The following DLGAP5 variants were observed in gnomAD, a reference collection of about 807,000 sequenced individuals.
The protein encoded by DLGAP5 is DLG associated protein 5.
A neutral mutation model predicts 99.6 loss-of-function variants in DLGAP5; 90 were observed. The ratio of observed to expected loss-of-function variants is 0.90; its 90% CI spans 0.76 to 1.08. The LOEUF (loss-of-function observed/expected upper bound fraction) is 1.08. Among genes scored for constraint, DLGAP5 ranks in the 50% least tolerant of loss-of-function variants. The pLI is 0.00. For synonymous variants in DLGAP5, 311 were observed against 321.3 expected, an observed-to-expected ratio of 0.97 and a Z score of 0.34; for missense variants, 1,036 against 983.5, an observed-to-expected ratio of 1.05 and a Z score of -0.71.
chr14:55,164,644 G>T (rs1040790426), intron 12 of DLGAP5, among the ~76,000 whole-genome samples: 2 of 151,884 alleles, frequency 1.3e-5, no homozygotes, highest in African/African-American at 4.8e-5. Flanking sequence ...AAAAATGGCC[G>T]GGTGCAGTGG....
intron 9 of DLGAP5, 141 bp downstream of exon 9, chr14:55,175,753 T>G: frequency 4.1e-6 from 3 of 726,586 alleles, no homozygotes; most frequent in Non-Finnish European, 6.3e-6. Context: ...CATCCCCAAA[T>G]GATATGGTGA....
chr14:55,172,939 G>A (rs1399135084), intron 10 of DLGAP5, among the ~76,000 whole-genome samples: 2 of 129,422 alleles, frequency 1.5e-5, no homozygotes, highest in Non-Finnish European at 3.1e-5. Flanking sequence ...CCAAGATCGC[G>A]CCATTGCACT....
At chr14:55,181,446 A>G (rs1177071914) in intron 4 of DLGAP5, 149 bp from the exon 5 acceptor site, 1 of 619,402 alleles carries the variant, frequency 1.6e-6, no homozygotes, top group African/African-American at 1.9e-5. Context: ...ATAAAATGAG[A>G]TAAAGAAAAG....
At chr14:55,162,353 C>T (rs1000180046) in intron 13 of DLGAP5, among the ~76,000 whole-genome samples, 5 of 152,170 alleles carry the variant, frequency 3.3e-5, no homozygotes, top group Non-Finnish European at 7.3e-5. Flanking sequence ...GGCACGGTGG[C>T]TCATGCCTGT....
At chr14:55,191,379 C>G (rs1883613917) in intron 1 of DLGAP5, 84 bp downstream of exon 1, 1 of 152,882 alleles carries the variant, frequency 6.5e-6, no homozygotes, top group African/African-American at 2.4e-5. Flanking sequence ...TGCTCCCGCT[C>G]GCAGCCCCCG....
chr14:55,188,561 TATA>T (rs1408494186), intron 2 of DLGAP5, among the ~76,000 whole-genome samples: 1 of 152,134 alleles, frequency 6.6e-6, no homozygotes, highest in East Asian at 1.9e-4. Context: ...AATAAAGTGT[TATA>T]ATACTCCACA....
intron 5 of DLGAP5, 92 bp from the exon 6 acceptor site, chr14:55,180,870 C>T: frequency 6.6e-7 from 1 of 1,507,672 alleles, no homozygotes; most frequent in Non-Finnish European, 9.1e-7. Flanking sequence ...TGCCTGTAGT[C>T]CCAGCTACTT....
chr14:55,180,887 C>T, intron 5 of DLGAP5, 109 bp from the exon 6 acceptor site: 1 of 1,396,656 alleles, frequency 7.2e-7, no homozygotes, highest in Non-Finnish European at 9.9e-7. Context: ...ACTTGGGAGG[C>T]AGGAGGATTA....
intron 11 of DLGAP5, among the ~76,000 whole-genome samples, chr14:55,170,491 C>A (rs1882818738): frequency 6.6e-6 from 1 of 152,050 alleles, no homozygotes; most frequent in Non-Finnish European, 1.5e-5. Context: ...AAGTTATATA[C>A]CATTTTAGCA....
rs1413872566 is a variant in DLGAP5 at position 55,170,690 on chromosome 14, A to G, written c.1387+12T>C. Reference sequence around the variant, plus strand: ...GAAACAAAGCAAACAAAAAATACAAATGTTGCCTCACCATCATCTGGAATG... The same window carrying G: ...GAAACAAAGCAAACAAAAAATACAAGTGTTGCCTCACCATCATCTGGAATG... On this transcript the variant is annotated intron_variant, in intron 11 of 18. Coordinates refer to ENST00000247191, the MANE Select transcript of DLGAP5 (RefSeq NM_014750.5). 1 of 1,605,296 alleles carries G rather than the reference A, an allele frequency of 6.2e-7. No homozygotes were observed. Among genetic ancestry groups the G allele is most frequent in the South Asian group, 1.1e-5 (1 of 90,416 alleles).
chr14:55,187,301 C>T (rs945965033), intron 2 of DLGAP5, among the ~76,000 whole-genome samples: 19 of 150,892 alleles, frequency 1.3e-4, no homozygotes, highest in Non-Finnish European at 2.7e-4. Context: ...ATTCTCAACA[C>T]AGCAGCCAAA....
intron 13 of DLGAP5, among the ~76,000 whole-genome samples, chr14:55,162,050 A>C (rs1353666813): frequency 6.6e-6 from 1 of 151,980 alleles, no homozygotes; most frequent in Non-Finnish European, 1.5e-5. Flanking sequence ...TTTTTCTCAT[A>C]TCATAAAGAA....
At chr14:55,164,549 AG>A (rs1179750558) in intron 12 of DLGAP5, among the ~76,000 whole-genome samples, 4 of 152,166 alleles carry the variant, frequency 2.6e-5, no homozygotes, top group African/African-American at 9.7e-5. Flanking sequence ...GACTGTTAGG[AG>A]AAAACACAGG....
At chr14:55,157,263 G>T (rs536455971) in intron 14 of DLGAP5, among the ~76,000 whole-genome samples, 2 of 152,146 alleles carry the variant, frequency 1.3e-5, no homozygotes, top group Non-Finnish European at 2.9e-5. Flanking sequence ...GTATATGAAA[G>T]AACAGAATGA....
intron 12 of DLGAP5, among the ~76,000 whole-genome samples, chr14:55,164,802 A>G (rs1396001285): frequency 8.6e-5 from 13 of 151,810 alleles, no homozygotes; most frequent in Admixed American, 2.0e-4. Context: ...TGCACCTGTA[A>G]TCCCAGCTAT....
intron 4 of DLGAP5, 55 bp from the exon 5 acceptor site, chr14:55,181,352 A>G (rs1883269417): frequency 1.4e-6 from 2 of 1,434,324 alleles, no homozygotes; most frequent in South Asian, 2.5e-5. Context: ...TCAGACCATC[A>G]TATTTTTAAT....
chr14:55,182,617 A>G (rs78448892), intron 3 of DLGAP5, among the ~76,000 whole-genome samples, 185 bp from the exon 4 acceptor site: 2,830 of 152,274 alleles, frequency 0.019, 83 homozygotes, highest in African/African-American at 0.061. Context: ...TAACTTCAAA[A>G]ATTACTCACA....
intron 8 of DLGAP5, 23 bp downstream of exon 8, chr14:55,177,036 ACTT>A (rs2139516027): frequency 1.6e-6 from 2 of 1,265,286 alleles, no homozygotes; most frequent in South Asian, 2.7e-5. Context: ...TTAGCAAGAG[ACTT>A]ATTATTAAGA....
rs111645345 is a variant in DLGAP5, at chr14:55,183,686, T to C, written c.306A>G (p.Gln102=). ...QMLQKYKEEK[Q]LQKLKEQREK... The stretch of plus-strand genomic sequence containing the variant: ...CTCTCTGCTCTTTCAATTTTTGAAG[T>C]TGCTTTTCTTCTTTGTATTTTTGGA... The change falls in exon 3 of 19, where the codon CAA becomes CAG. Residue 102 remains glutamine, a synonymous_variant. Coordinates refer to ENST00000247191, the MANE Select transcript of DLGAP5 (RefSeq NM_014750.5). The C allele has an allele frequency of 2.9e-5, 47 of 1,612,376 alleles. No individual in the cohort carries two copies. In the Middle Eastern group the frequency reaches 1.6e-3, roughly 56 times the overall value.
Sources: allele counts gnomAD v4.1 joint callset (sites outside exome capture counted in the v4.1 genomes callset), GRCh38; gene constraint gnomAD v4.1.1; transcripts MANE v1.5; gene names NCBI Gene and HGNC (gene_info 2026-07-23, HGNC 2026-07-21).